Variants in SORCS1 observed in about 807,000 individuals in gnomAD.
SORCS1 encodes the protein VPS10 domain-containing receptor SorCS1.
SORCS1 carries 60 observed loss-of-function variants against 146.1 expected under a neutral mutation model. The observed-to-expected ratio is 0.41, with a 90% CI of 0.33 to 0.51. The LOEUF is 0.51. Ranked by LOEUF, SORCS1 falls within the 20% of genes least tolerant of loss-of-function variation. The probability of loss-of-function intolerance (pLI) is 0.21; values close to 1 mark genes in which losing one functional copy is unlikely to be tolerated. For missense variants in SORCS1, 1,352 were observed against 1,487.6 expected (o/e 0.91, Z 1.50); for synonymous variants, 637 against 584.0 (o/e 1.09, Z -1.31).
chr10:107,105,776 C>A (rs11815680), intron 1 of SORCS1, among the ~76,000 whole-genome samples: 12,165 of 152,132 alleles, frequency 0.08, 545 homozygotes, highest in African/African-American at 0.13. Context: ...ATGTTAATCT[C>A]CTTTGGCAAC....
rs117528078 is a variant in SORCS1 at position 106,786,477 on chromosome 10, C to A, written c.727-9785G>T. Among the ~76,000 whole-genome samples the A allele has an allele frequency of 6.2e-3, 938 of 152,222 alleles. 40 individuals are homozygous for A. In the South Asian group the frequency reaches 0.088, roughly 14 times the overall value. ...TGAATTTCTTATATAGCAGTGGTTT[C>A]CTTCAGTGTGAATGTCCCAAGATCA... On this transcript the variant is annotated intron_variant, in intron 3 of 25. Coordinates refer to ENST00000263054, the MANE Select transcript of SORCS1 (RefSeq NM_052918.5).
At chr10:106,928,046 A>G (rs1953162489) in intron 2 of SORCS1, among the ~76,000 whole-genome samples, 1 of 152,228 alleles carries the variant, frequency 6.6e-6, no homozygotes, top group African/African-American at 2.4e-5. Flanking sequence ...GGCTTCACCC[A>G]GTGGATCCCG....
At chr10:106,739,723 G>A (rs899668416) in intron 5 of SORCS1, among the ~76,000 whole-genome samples, 3 of 151,844 alleles carry the variant, frequency 2.0e-5, no homozygotes, top group Admixed American at 6.6e-5. Context: ...AGGCCGAGTC[G>A]GGCAGATCAC....
rs199863347 is a variant in SORCS1 at position 106,916,667 on chromosome 10, AAT to A, written c.626+39844_626+39845del. Among the ~76,000 whole-genome samples, 532 of 149,896 alleles carry A rather than the reference AAT, an allele frequency of 3.5e-3. 2 individuals are homozygous for A. The highest frequency in any genetic ancestry group is 0.012 in the African/African-American group (487 of 41,088). The stretch of plus-strand genomic sequence containing the variant: ...AATTTATAAAATAATAAATTATATA[AAT>A]ATATATATATTTCCATTAAAGATCT... On this transcript the variant is annotated intron_variant, in intron 2 of 25. Transcript: ENST00000263054.
intron 5 of SORCS1, among the ~76,000 whole-genome samples, chr10:106,745,019 T>C (rs1857618831): frequency 6.6e-6 from 1 of 152,154 alleles, no homozygotes; most frequent in Non-Finnish European, 1.5e-5. Flanking sequence ...AAAAGTTTAT[T>C]AGCCAAAAAG....
At chr10:106,671,170 G>A in intron 16 of SORCS1, 67 bp downstream of exon 16, 1 of 1,597,394 alleles carries the variant, frequency 6.3e-7, no homozygotes, top group Non-Finnish European at 8.5e-7. Context: ...TCAATTCTAA[G>A]CTTTCATTCA....
At chr10:106,639,729 T>C (rs921068886) in intron 18 of SORCS1, among the ~76,000 whole-genome samples, 10 of 152,164 alleles carry the variant, frequency 6.6e-5, no homozygotes, top group African/African-American at 2.2e-4. Context: ...TCCACTCCTT[T>C]GTATGGAGGG....
At chr10:107,147,456 T>G (rs980596957) in intron 1 of SORCS1, among the ~76,000 whole-genome samples, 2 of 152,134 alleles carry the variant, frequency 1.3e-5, no homozygotes, top group Non-Finnish European at 2.9e-5. Context: ...AGCTGTTGCC[T>G]CCAATGCATC....
intron 2 of SORCS1, among the ~76,000 whole-genome samples, chr10:106,843,030 T>G (rs2137159980): frequency 6.6e-6 from 1 of 152,314 alleles, no homozygotes; most frequent in East Asian, 1.9e-4. Flanking sequence ...TTCATATAGG[T>G]ATACATTTTG....
intron 1 of SORCS1, among the ~76,000 whole-genome samples, chr10:107,146,198 A>G (rs1290455289): frequency 1.3e-5 from 2 of 152,192 alleles, no homozygotes; most frequent in Non-Finnish European, 2.9e-5. Flanking sequence ...TGTCCATCAC[A>G]TACACCCACA....
intron 1 of SORCS1, among the ~76,000 whole-genome samples, chr10:107,047,445 A>C (rs1186597106): frequency 6.6e-6 from 1 of 152,186 alleles, no homozygotes; most frequent in Non-Finnish European, 1.5e-5. Flanking sequence ...TTATTTTGTT[A>C]CTGTCGCTTT....
At chr10:106,907,772 CA>C (rs1231795298) in intron 2 of SORCS1, among the ~76,000 whole-genome samples, 13 of 151,708 alleles carry the variant, frequency 8.6e-5, no homozygotes, top group Admixed American at 8.5e-4. Flanking sequence ...ACCAAAAATA[CA>C]AAAATTAGCC....
chr10:107,061,309 A>G (rs1362119442), intron 1 of SORCS1, among the ~76,000 whole-genome samples: 2 of 152,194 alleles, frequency 1.3e-5, no homozygotes, highest in Non-Finnish European at 2.9e-5. Context: ...AGCAAACATT[A>G]GTATGGTATC....
intron 1 of SORCS1, among the ~76,000 whole-genome samples, chr10:107,127,322 A>G (rs1375844109): frequency 2.6e-5 from 4 of 152,022 alleles, no homozygotes; most frequent in Non-Finnish European, 4.4e-5. Context: ...TACTTTCAGC[A>G]CCATAGTTGA....
chr10:106,982,702 G>A (rs1261493138), intron 1 of SORCS1, among the ~76,000 whole-genome samples: 1 of 152,136 alleles, frequency 6.6e-6, no homozygotes, highest in Non-Finnish European at 1.5e-5. Flanking sequence ...ACAGGTAAAA[G>A]ATACAGCCAG....
rs751341503 is a variant in SORCS1 at position 106,978,455 on chromosome 10, T to C, written c.559-21875A>G. Among the ~76,000 whole-genome samples, 3 of 152,156 alleles carry C rather than the reference T, an allele frequency of 2.0e-5. No individual in the cohort carries two copies. The East Asian group carries it at 5.8e-4, about 29-fold the overall frequency. On this transcript the variant is annotated intron_variant, in intron 1 of 25. Coordinates refer to ENST00000263054, the MANE Select transcript of SORCS1 (RefSeq NM_052918.5). ...ACAGTACTAGAAATACAAAGTTTAA[T>C]CTGACAGCCATGTAAGGAGCGGATT...
intron 17 of SORCS1, among the ~76,000 whole-genome samples, chr10:106,656,867 T>C (rs370310395): frequency 6.6e-6 from 1 of 152,234 alleles, no homozygotes; most frequent in East Asian, 1.9e-4. Flanking sequence ...GGGATCAGTT[T>C]GTTTTTGTTT....
chr10:107,071,229 T>G (rs1323788460), intron 1 of SORCS1, among the ~76,000 whole-genome samples: 2 of 152,150 alleles, frequency 1.3e-5, no homozygotes, highest in Non-Finnish European at 2.9e-5. Context: ...TTTTTTTAAG[T>G]GGTTGTTTTT....
chr10:106,848,955 G>A lies in SORCS1; in HGVS notation c.627-19282C>T, dbSNP rs1408875967. Among the ~76,000 whole-genome samples, 7 of 150,664 alleles carry A rather than the reference G, an allele frequency of 4.6e-5. 1 individual carries two copies. The highest frequency in any genetic ancestry group is 7.3e-5 in the African/African-American group (3 of 41,086). The stretch of plus-strand genomic sequence containing the variant: ...TTGTAGGGTTTCTGCCGAGAGATCC[G>A]CTGTTAGTCTGATGGGCTTCCCTTT... On this transcript the variant is annotated intron_variant, in intron 2 of 25. Coordinates refer to ENST00000263054, the MANE Select transcript of SORCS1 (RefSeq NM_052918.5).
Sources: gnomAD v4.1 joint callset for allele counts (sites outside exome capture counted in the v4.1 genomes callset) on GRCh38, gnomAD v4.1.1 for gene constraint, MANE v1.5 for transcripts, NCBI Gene and HGNC (gene_info 2026-07-23, HGNC 2026-07-21) for gene names.